CDKL3: variants seen among roughly 807,000 people sequenced by gnomAD.
The protein encoded by CDKL3 is cyclin-dependent kinase-like 3.
CDKL3 carries 65 observed loss-of-function variants against 69.3 expected under a neutral mutation model. The ratio of observed to expected loss-of-function variants is 0.94; its 90% CI spans 0.77 to 1.15. CDKL3 has a LOEUF of 1.15. CDKL3 is among the 50% of genes most tolerant of loss of function. The pLI is 0.00. For missense variants in CDKL3, 652 were observed against 689.2 expected (o/e 0.95, Z 0.61); for synonymous variants, 202 against 221.6 (o/e 0.91, Z 0.79).
downstream of CDKL3, among the ~76,000 whole-genome samples, chr5:134,284,714 C>T (rs1764781032): frequency 6.6e-6 from 1 of 152,192 alleles, no homozygotes; most frequent in Non-Finnish European, 1.5e-5. Flanking sequence ...GAAGGCATTC[C>T]TTTCCCAGGG....
rs939583428 is a variant in CDKL3, at chr5:134,302,281, T to C, written c.1719+309A>G. ...ACATGCTTGTGGCCATATAACCATA[T>C]ATTTATACCATTATTCATTTTCACT... On this transcript the variant is annotated intron_variant, in intron 12 of 12. Transcript: ENST00000265334. 1.3e-5 allele frequency: 6 copies of C among 459,684 alleles called. No homozygotes were observed. In the East Asian group the frequency reaches 2.0e-4, roughly 15 times the overall value. The allele number at this position is 459,684 out of a possible 1,614,324, so 28.5% of individuals were successfully genotyped here.
chr5:134,325,548 A>AT (rs1187572082), intron 4 of CDKL3, among the ~76,000 whole-genome samples: 1 of 152,042 alleles, frequency 6.6e-6, no homozygotes, highest in Non-Finnish European at 1.5e-5. Context: ...TTCCAGAGAG[A>AT]TTGTACAAGT....
chr5:134,292,570 T>C (rs1316048576), intron 8 of CDKL3, among the ~76,000 whole-genome samples: 1 of 151,414 alleles, frequency 6.6e-6, no homozygotes, highest in East Asian at 1.9e-4. Flanking sequence ...AAAACCAAAA[T>C]AAATAGAAAG....
intron 6 of CDKL3, 85 bp from the exon 7 acceptor site, chr5:134,312,465 G>A: frequency 2.8e-6 from 2 of 721,986 alleles, no homozygotes; most frequent in Non-Finnish European, 4.5e-6. Flanking sequence ...AAATTAAGAA[G>A]TAAGTAATTA....
chr5:134,370,803 C>T (rs948816083), upstream of CDKL3, among the ~76,000 whole-genome samples: 11 of 152,146 alleles, frequency 7.2e-5, no homozygotes, highest in African/African-American at 2.7e-4. Flanking sequence ...ACTCTTCTTG[C>T]CCCAAGTACC....
intron 4 of CDKL3, among the ~76,000 whole-genome samples, chr5:134,325,908 C>T (rs190809225): frequency 0.01 from 1,473 of 146,148 alleles, 15 homozygotes; most frequent in African/African-American, 0.033. Flanking sequence ...GGACTACAGG[C>T]GCCCATCACC....
chr5:134,322,395 T>C (rs1773029347), intron 4 of CDKL3, among the ~76,000 whole-genome samples: 1 of 152,208 alleles, frequency 6.6e-6, no homozygotes, highest in Admixed American at 6.5e-5. Context: ...AGGAAAGGAA[T>C]AGTCCTAAGT....
In CDKL3 at chr5:134,308,615, C is replaced by T. The variant is rs183375471; in HGVS notation, c.994G>A (p.Val332Ile). 1.2e-3 allele frequency: 1,980 copies of T among 1,606,446 alleles called. 18 individuals are homozygous for T. Among genetic ancestry groups the T allele is most frequent in the Non-Finnish European group, 5.9e-4 (690 of 1,178,176 alleles). Residue 332 changes from valine (V) to isoleucine (I), a missense_variant, in exon 8 of 13, where the codon GTT becomes ATT. Transcript: ENST00000265334. ...CTACTTAGCAGTGTATTGGTATAAA[C>T]TGTTTTTCTTTCATCTTTCCTGAGT... ...NELRKDERKT[V>I]YTNTLLSSSV... is the part of the protein sequence containing the mutation.
At chr5:134,294,588 T>C (rs1340541153), downstream of CDKL3, among the ~76,000 whole-genome samples, 2 of 152,116 alleles carry the variant, frequency 1.3e-5, no homozygotes, top group Middle Eastern at 6.8e-3. Flanking sequence ...CATGATTGCC[T>C]ATATAGGAAG....
intron 8 of CDKL3, among the ~76,000 whole-genome samples, chr5:134,289,368 G>C (rs553278283): frequency 6.6e-6 from 1 of 152,070 alleles, no homozygotes; most frequent in Non-Finnish European, 1.5e-5. Flanking sequence ...AATAAATCCT[G>C]TTGTTAAAGT....
chr5:134,330,523 T>C (rs996983096), intron 4 of CDKL3, among the ~76,000 whole-genome samples: 1 of 152,132 alleles, frequency 6.6e-6, no homozygotes, highest in African/African-American at 2.4e-5. Context: ...GAGACCAGCC[T>C]GGACAACATG....
At chr5:134,306,556 AAAG>A (rs1161151173) in intron 10 of CDKL3, 50 bp downstream of exon 10, 4 of 1,059,362 alleles carry the variant, frequency 3.8e-6, no homozygotes, top group African/African-American at 1.6e-5. Context: ...GAAAAGGAAA[AAAG>A]AAGTAATGTT....
At chr5:134,366,591 CTTTTA>C (rs1757497472) in intron 1 of CDKL3, 47 bp from the exon 2 acceptor site, 2 of 1,194,970 alleles carry the variant, frequency 1.7e-6, no homozygotes, top group East Asian at 5.2e-5. Flanking sequence ...AACGTTTATA[CTTTTA>C]TTTATTAAAA....
rs1164800558 is a variant in CDKL3 at position 134,326,817 on chromosome 5, GTATATATATA to G, written c.540-4924_540-4915del. 2.7e-3 allele frequency among the ~76,000 whole-genome samples: 320 copies of G among 120,418 alleles called. 7 individuals are homozygous for G. The highest frequency in any genetic ancestry group is 6.0e-3 in the African/African-American group (167 of 27,986). 79.0% of individuals were successfully genotyped at this position (120,418 alleles called of 152,430 possible). On this transcript the variant is annotated intron_variant, in intron 4 of 12. Coordinates refer to ENST00000265334, the MANE Select transcript of CDKL3 (RefSeq NM_001113575.2). ...TGTGTGTATATATATATATGTGTGT[GTATATATATA>G]TATATATATATATATATATATATAT...
intron 4 of CDKL3, among the ~76,000 whole-genome samples, chr5:134,335,483 G>C (rs796880890): frequency 6.6e-6 from 1 of 152,014 alleles, no homozygotes; most frequent in Non-Finnish European, 1.5e-5. Context: ...TCCATGTTTA[G>C]TGCTTCCTTC....
At chr5:134,307,209 T>TA (rs1768124501) in intron 9 of CDKL3, among the ~76,000 whole-genome samples, 1 of 152,192 alleles carries the variant, frequency 6.6e-6, no homozygotes, top group African/African-American at 2.4e-5. Context: ...AGTGCATGTT[T>TA]ACATCAGTGG....
At chr5:134,345,009 G>T (rs939040554) in intron 4 of CDKL3, among the ~76,000 whole-genome samples, 2 of 152,184 alleles carry the variant, frequency 1.3e-5, no homozygotes, top group Admixed American at 1.3e-4. Flanking sequence ...ATGTTGCAGT[G>T]AGCCGAGATC....
intron 9 of CDKL3, 48 bp from the exon 10 acceptor site, chr5:134,306,750 C>CATTT (rs753891922): frequency 3.1e-5 from 7 of 227,670 alleles, no homozygotes; most frequent in Admixed American, 1.4e-4. Context: ...CCCAGAAATG[C>CATTT]TTTTTTTTTT....
rs562616667 is a variant in CDKL3, at chr5:134,314,582, A to T, written c.793-2202T>A. On this transcript the variant is annotated intron_variant, in intron 6 of 12. Transcript: ENST00000265334. ...TCCATCAACAGGGAAAGGATTTTTT[A>T]AAATGTGGTATAGTCATATAATGAA... is the stretch of plus-strand genomic sequence containing the variant. Among the ~76,000 whole-genome samples the T allele has an allele frequency of 5.9e-5, 9 of 152,334 alleles. 1 individual carries two copies. In the South Asian group the frequency reaches 1.9e-3, roughly 32 times the overall value.
Sources: allele counts gnomAD v4.1 joint callset (sites outside exome capture counted in the v4.1 genomes callset), GRCh38; gene constraint gnomAD v4.1.1; transcripts MANE v1.5; gene names NCBI Gene and HGNC (gene_info 2026-07-23, HGNC 2026-07-21).